Variants in STAM observed in about 807,000 individuals in gnomAD.
The protein encoded by STAM is signal transducing adapter molecule 1.
In STAM, 16 loss-of-function variants were observed where a neutral mutation model predicts 63.4. The observed-to-expected ratio is 0.25, with a 90% confidence interval of 0.17 to 0.38. The LOEUF is 0.38. Among genes scored for constraint, STAM ranks in the 10% least tolerant of loss-of-function variants. STAM has a pLI of 1.00. For missense variants in STAM, 636 were observed against 657.1 expected (o/e 0.97, Z 0.35); for synonymous variants, 238 against 223.9 (o/e 1.06, Z -0.56).
At chr10:17,694,622 G>A (rs1437464405) in intron 6 of STAM, among the ~76,000 whole-genome samples, 4 of 152,006 alleles carry the variant, frequency 2.6e-5, no homozygotes, top group African/African-American at 4.8e-5. Flanking sequence ...ATAAAATCTC[G>A]ATTCTCCAAG....
intron 8 of STAM, 85 bp from the exon 9 acceptor site, chr10:17,700,106 C>T: frequency 8.7e-7 from 1 of 1,149,252 alleles, no homozygotes; most frequent in East Asian, 2.9e-5. Context: ...AGAAAAATCC[C>T]CAAATCTCTC....
At position 17,687,733 on chromosome 10, in the gene STAM, CT is replaced by C. The variant is rs569174775; in HGVS notation, c.298-292del. ...GCTTTGCAAAAAGCAGACACTTTTC[CT>C]TGTCTTACTGATGTACAAACCTTGC... On this transcript the variant is annotated intron_variant, in intron 4 of 13. Coordinates refer to ENST00000377524, the MANE Select transcript of STAM (RefSeq NM_003473.4). Among the ~76,000 whole-genome samples the C allele has an allele frequency of 1.2e-4, 19 of 152,272 alleles. No individual in the cohort carries two copies. The East Asian group carries it at 2.9e-3, about 23-fold the overall frequency.
intron 4 of STAM, among the ~76,000 whole-genome samples, chr10:17,685,466 T>C (rs1024912937): frequency 6.6e-6 from 1 of 152,102 alleles, no homozygotes; most frequent in Non-Finnish European, 1.5e-5. Flanking sequence ...TAGGGCCAGA[T>C]GAGAGTCCAA....
intron 1 of STAM, among the ~76,000 whole-genome samples, chr10:17,651,685 A>T (rs890865349): frequency 2.6e-5 from 4 of 152,182 alleles, no homozygotes; most frequent in African/African-American, 9.7e-5. Context: ...TTCAGATTAC[A>T]TTTCTTTGCA....
intron 2 of STAM, among the ~76,000 whole-genome samples, chr10:17,669,700 C>CTTTTTTTTTTTTTTTT (rs1473808785): frequency 2.1e-5 from 3 of 140,570 alleles, no homozygotes; most frequent in African/African-American, 7.8e-5. Context: ...TTCTTTCTTT[C>CTTTTTTTTTTTTTTTT]TTTTTTTTTT....
intron 13 of STAM, among the ~76,000 whole-genome samples, chr10:17,711,695 G>GTA (rs1554830116): frequency 1.3e-5 from 2 of 152,152 alleles, no homozygotes; most frequent in African/African-American, 4.8e-5. Flanking sequence ...GAAAGGCGTG[G>GTA]TATGTATCGG....
intron 9 of STAM, among the ~76,000 whole-genome samples, chr10:17,702,577 A>AGG (rs1345460011): frequency 1.3e-5 from 2 of 152,202 alleles, no homozygotes; most frequent in African/African-American, 4.8e-5. Flanking sequence ...AAATATGTGA[A>AGG]GGGGTTTATG....
intron 1 of STAM, among the ~76,000 whole-genome samples, chr10:17,645,862 G>A (rs1440275912): frequency 5.3e-5 from 8 of 152,172 alleles, no homozygotes; most frequent in Admixed American, 2.0e-4. Flanking sequence ...ACTTAAAACA[G>A]CTTCTTAATA....
chr10:17,688,460 A>G (rs527815780), intron 5 of STAM, among the ~76,000 whole-genome samples: 27 of 151,942 alleles, frequency 1.8e-4, no homozygotes, highest in African/African-American at 5.3e-4. Context: ...TTTTTGGTAT[A>G]GTTTTTGTTT....
chr10:17,705,124 G>A (rs1305700952), intron 11 of STAM, 100 bp downstream of exon 11: 12 of 932,336 alleles, frequency 1.3e-5, no homozygotes, highest in Non-Finnish European at 1.8e-5. Flanking sequence ...AAAAAATATT[G>A]TGGAGGAACC....
At chr10:17,694,358 T>G (rs1250209392) in intron 6 of STAM, among the ~76,000 whole-genome samples, 4 of 152,202 alleles carry the variant, frequency 2.6e-5, no homozygotes, top group Admixed American at 6.5e-5. Context: ...GTATTGACTT[T>G]TAGTAGCTTT....
chr10:17,689,146 T>C (rs1554826462), intron 5 of STAM, among the ~76,000 whole-genome samples: 1 of 152,258 alleles, frequency 6.6e-6, no homozygotes. Flanking sequence ...GAAATGTCTT[T>C]TTTATTCCTA....
chr10:17,651,311 T>A (rs1373654397), intron 1 of STAM, among the ~76,000 whole-genome samples: 1 of 152,174 alleles, frequency 6.6e-6, no homozygotes, highest in Non-Finnish European at 1.5e-5. Context: ...AGGTTTGTTT[T>A]GAGGAGATGA....
At chr10:17,667,476 G>A (rs1027628214) in intron 2 of STAM, among the ~76,000 whole-genome samples, 3 of 151,942 alleles carry the variant, frequency 2.0e-5, no homozygotes, top group Non-Finnish European at 4.4e-5. Context: ...ACTCAGTTTC[G>A]TAACATGGCA....
At chr10:17,680,713 T>C (rs957855547) in intron 2 of STAM, among the ~76,000 whole-genome samples, 3 of 152,240 alleles carry the variant, frequency 2.0e-5, no homozygotes, top group Non-Finnish European at 2.9e-5. Context: ...GGCCTTGATT[T>C]TGACTACTCT....
intron 2 of STAM, chr10:17,673,133 T>G: frequency 1.5e-6 from 1 of 663,080 alleles, no homozygotes; most frequent in Non-Finnish European, 1.9e-6. Flanking sequence ...AGATTTTCTC[T>G]TACCATGTAT....
intron 1 of STAM, among the ~76,000 whole-genome samples, chr10:17,647,122 C>T (rs1220779312): frequency 2.0e-5 from 3 of 152,112 alleles, no homozygotes; most frequent in African/African-American, 7.2e-5. Flanking sequence ...ACTGCCGTAT[C>T]CCTAGCTGTA....
intron 1 of STAM, among the ~76,000 whole-genome samples, chr10:17,646,954 C>G (rs1833543508): frequency 6.6e-6 from 1 of 152,190 alleles, no homozygotes; most frequent in South Asian, 2.1e-4. Flanking sequence ...CAGTCTTAAT[C>G]TGAGGCTGAA....
chr10:17,663,817 A>G (rs1458348968), intron 2 of STAM, among the ~76,000 whole-genome samples: 1 of 152,082 alleles, frequency 6.6e-6, no homozygotes. Flanking sequence ...TTCTTTCAAT[A>G]ATACTGTTTA....
Sources: allele counts gnomAD v4.1 joint callset (sites outside exome capture counted in the v4.1 genomes callset), GRCh38; gene constraint gnomAD v4.1.1; transcripts MANE v1.5; gene names NCBI Gene and HGNC (gene_info 2026-07-23, HGNC 2026-07-21).